The following CLASP1 variants were observed in gnomAD, a reference collection of about 807,000 sequenced individuals.
The protein encoded by CLASP1 is CLIP-associating protein 1.
In CLASP1, 38 loss-of-function variants were observed where a neutral mutation model predicts 192.3. The observed-to-expected ratio is 0.20, with a 90% CI of 0.15 to 0.26. The LOEUF (loss-of-function observed/expected upper bound fraction) is 0.26, where lower values mean the gene tolerates loss of function less well. CLASP1 is among the 10% of genes least tolerant of loss of function. CLASP1 has a pLI of 1.00. For synonymous variants in CLASP1, 691 were observed against 712.8 expected, an observed-to-expected ratio of 0.97 and a Z score of 0.49; for missense variants, 1,433 against 1,932.5, an observed-to-expected ratio of 0.74 and a Z score of 4.85.
At chr2:121,644,955 CA>C (rs1199358360) in intron 1 of CLASP1, among the ~76,000 whole-genome samples, 2 of 74,306 alleles carry the variant, frequency 2.7e-5, no homozygotes, top group African/African-American at 4.2e-5. Flanking sequence ...AAAACTGTCT[CA>C]AAAAAAAAAC....
chr2:121,455,972 G>A (rs2086570086), intron 14 of CLASP1, among the ~76,000 whole-genome samples: 1 of 152,130 alleles, frequency 6.6e-6, no homozygotes, highest in Admixed American at 6.5e-5. Context: ...CAGGTAGATA[G>A]GAGTAAGTTC....
chr2:121,454,151 C>A (rs960773360), intron 14 of CLASP1, among the ~76,000 whole-genome samples: 6 of 151,750 alleles, frequency 4.0e-5, no homozygotes, highest in Middle Eastern at 3.4e-3. Context: ...TCTCCCTGCC[C>A]ACCCCCCCCT....
chr2:121,381,304 CT>C lies in CLASP1; in HGVS notation c.3491+903del, dbSNP rs77181666. On this transcript the variant is annotated intron_variant, in intron 33 of 39. Coordinates refer to ENST00000263710, the Ensembl canonical transcript of CLASP1. ...ATGAAGTATTTCAAAAGTAACAGGT[CT>C]TTTTTTTTTTTAACCCTTTTCCTAT... 1.9e-3 allele frequency among the ~76,000 whole-genome samples: 269 copies of C among 143,870 alleles called. 3 individuals carry two copies. Among genetic ancestry groups the C allele is most frequent in the East Asian group, 0.014 (70 of 4,990 alleles). The allele number at this position is 143,870 out of a possible 152,430, so 94.4% of individuals were successfully genotyped here. A position where few individuals can be genotyped will look rare whatever the true frequency, so the allele number is the denominator to read the frequency against.
At chr2:121,527,982 C>T (rs188777702) in intron 4 of CLASP1, 92 bp from the exon 5 acceptor site, 11 of 931,658 alleles carry the variant, frequency 1.2e-5, no homozygotes, top group African/African-American at 4.9e-5. Context: ...TCTTAACGAG[C>T]GCCAAATTAG....
At chr2:121,371,866 T>C (rs1409738291) in intron 34 of CLASP1, among the ~76,000 whole-genome samples, 2 of 152,196 alleles carry the variant, frequency 1.3e-5, no homozygotes, top group East Asian at 3.9e-4. Flanking sequence ...ATCTCTCCCA[T>C]CTGAAATGCC....
intron 2 of CLASP1, among the ~76,000 whole-genome samples, chr2:121,558,588 T>C (rs1288206934): frequency 2.6e-5 from 4 of 152,136 alleles, no homozygotes; most frequent in Non-Finnish European, 4.4e-5. Flanking sequence ...CCCCTCACCA[T>C]GTAATAACCC....
chr2:121,590,867 ATTT>A (rs10712368), intron 2 of CLASP1, among the ~76,000 whole-genome samples: 11 of 135,716 alleles, frequency 8.1e-5, no homozygotes, highest in South Asian at 6.9e-4. Context: ...AAATTATTTG[ATTT>A]TTTTTTTTTT....
intron 8 of CLASP1, among the ~76,000 whole-genome samples, chr2:121,487,685 A>G (rs2093063295): frequency 6.6e-6 from 1 of 152,176 alleles, no homozygotes; most frequent in African/African-American, 2.4e-5. Flanking sequence ...AAGACCACAG[A>G]GGTAAAATGC....
rs555778128 is a variant in CLASP1, at chr2:121,427,065, C to T, written c.2044+339G>A. ...ATATTATATAAATCAAAACCACCAT[C>T]ATTCAAATGAACCACGTAGGTGAAT... is the stretch of plus-strand genomic sequence containing the variant. On this transcript the variant is annotated intron_variant, in intron 21 of 39. Transcript: ENST00000263710. Among the ~76,000 whole-genome samples the T allele has an allele frequency of 7.2e-5, 11 of 151,874 alleles. No homozygotes were observed. In the South Asian group the frequency reaches 2.3e-3, roughly 32 times the overall value.
chr2:121,530,850 C>T (rs1007728756), intron 2 of CLASP1: 1 of 668,400 alleles, frequency 1.5e-6, no homozygotes, highest in South Asian at 1.5e-5. Context: ...ATTGGCGCTT[C>T]CTGCTTGCAG....
At chr2:121,455,220 T>TA (rs1559267732) in intron 14 of CLASP1, among the ~76,000 whole-genome samples, 1 of 152,226 alleles carries the variant, frequency 6.6e-6, no homozygotes, top group African/African-American at 2.4e-5. Flanking sequence ...TTCGTGACTT[T>TA]AGATAGCTGG....
chr2:121,404,331 T>C (rs753235805), intron 26 of CLASP1, 40 bp downstream of exon 27: 10 of 1,603,454 alleles, frequency 6.2e-6, no homozygotes, highest in Middle Eastern at 1.7e-4. Context: ...CACACAGACA[T>C]GCAGGGGTAA....
chr2:121,357,484 G>A (rs1268503541), intron 37 of CLASP1, among the ~76,000 whole-genome samples: 1 of 152,044 alleles, frequency 6.6e-6, no homozygotes, highest in African/African-American at 2.4e-5. Flanking sequence ...CACAATCACA[G>A]CCCCCGAGCT....
At chr2:121,539,456 G>C (rs953337264) in intron 2 of CLASP1, among the ~76,000 whole-genome samples, 7 of 152,186 alleles carry the variant, frequency 4.6e-5, no homozygotes, top group Admixed American at 2.6e-4. Context: ...GATTTAAAAA[G>C]AAGTTGACTC....
At chr2:121,505,554 C>T (rs146712053) in intron 7 of CLASP1, among the ~76,000 whole-genome samples, 2 of 152,292 alleles carry the variant, frequency 1.3e-5, no homozygotes, top group African/African-American at 4.8e-5. Flanking sequence ...TTTTTGTTTG[C>T]TAGCTCTGAG....
intron 11 of CLASP1, among the ~76,000 whole-genome samples, chr2:121,460,471 C>A (rs920720633): frequency 3.8e-4 from 58 of 152,072 alleles, no homozygotes; most frequent in African/African-American, 1.3e-3. Context: ...CCTAAGCTTA[C>A]CTCCCCGCGA....
At chr2:121,641,193 C>G (rs2106332930) in intron 1 of CLASP1, among the ~76,000 whole-genome samples, 1 of 152,264 alleles carries the variant, frequency 6.6e-6, no homozygotes, top group East Asian at 1.9e-4. Context: ...CCTCTGTTAG[C>G]ATGTCCGGGC....
In CLASP1 at chr2:121,409,143, A is replaced by T. The variant is rs2077327504; in HGVS notation, c.2425-1428T>A. 9 of 1,028,550 alleles carry T rather than the reference A, an allele frequency of 8.8e-6. No individual in the cohort carries two copies. The South Asian group carries it at 1.3e-4, about 15-fold the overall frequency. 63.7% of individuals were successfully genotyped at this position (1,028,550 alleles called of 1,614,324 possible). On this transcript the variant is annotated intron_variant, in intron 24 of 39. Transcript: ENST00000263710. ...TGTTCTTGCAACAAAAGTGTACAGCAAAACATATCTTAGCAAACCAAAAAT... is the reference window on the plus strand; with the variant it reads ...TGTTCTTGCAACAAAAGTGTACAGCTAAACATATCTTAGCAAACCAAAAAT...
At position 121,610,168 on chromosome 2, in the gene CLASP1, G is replaced by A. The variant is rs562081402; in HGVS notation, c.-285-3988C>T. Among the ~76,000 whole-genome samples the A allele has an allele frequency of 5.3e-5, 8 of 152,318 alleles. No individual in the cohort carries two copies. The South Asian group carries it at 1.7e-3, about 32-fold the overall frequency. ...AAGAGGGAAAAAGGATGACGTGGAG[G>A]AGTGAGAGAAGAAGGAGGAGGAGTT... On this transcript the variant is annotated intron_variant, in intron 1 of 39. Transcript: ENST00000263710.
Sources: gnomAD v4.1 joint callset for allele counts (sites outside exome capture counted in the v4.1 genomes callset) on GRCh38, gnomAD v4.1.1 for gene constraint, MANE v1.5 for transcripts, NCBI Gene and HGNC (gene_info 2026-07-23, HGNC 2026-07-21) for gene names.